ABCC4: variants seen among roughly 807,000 people sequenced by gnomAD.
ABCC4 encodes ATP-binding cassette sub-family C member 4.
Under a neutral mutation model 168.5 loss-of-function variants are expected in ABCC4, and 102 were observed. That is an observed-to-expected ratio of 0.61 (90% CI 0.52 to 0.71). ABCC4 has a LOEUF of 0.71. Among genes scored for constraint, ABCC4 ranks in the 30% least tolerant of loss-of-function variants. ABCC4 has a pLI of 0.00. For synonymous variants in ABCC4, 617 were observed against 590.7 expected (o/e 1.04, Z -0.65); for missense variants, 1,402 against 1,605.8 (o/e 0.87, Z 2.17).
At chr13:95,192,057 T>A (rs2038270953) in intron 9 of ABCC4, among the ~76,000 whole-genome samples, 1 of 152,114 alleles carries the variant, frequency 6.6e-6, no homozygotes, top group South Asian at 2.1e-4. Flanking sequence ...GCCAGAGCAG[T>A]GAAGAAAGCA....
At chr13:95,214,614 G>A (rs960410261) in intron 4 of ABCC4, among the ~76,000 whole-genome samples, 5 of 152,046 alleles carry the variant, frequency 3.3e-5, no homozygotes, top group South Asian at 4.2e-4. Context: ...GGCCAGGTGC[G>A]GTGGCTCATG....
At chr13:95,102,249 A>T (rs2034835795) in intron 20 of ABCC4, among the ~76,000 whole-genome samples, 1 of 152,210 alleles carries the variant, frequency 6.6e-6, no homozygotes, top group Non-Finnish European at 1.5e-5. Context: ...GGCTCAAGTG[A>T]TCTTCCGGAC....
At chr13:95,032,670 CTTT>C (rs10529298) in intron 30 of ABCC4, among the ~76,000 whole-genome samples, 1 of 148,464 alleles carries the variant, frequency 6.7e-6, no homozygotes. Flanking sequence ...TTTCTTTTTT[CTTT>C]TTTTTTTTTG....
At chr13:95,041,285 G>A (rs990839641) in intron 29 of ABCC4, among the ~76,000 whole-genome samples, 25 of 152,294 alleles carry the variant, frequency 1.6e-4, no homozygotes, top group African/African-American at 4.1e-4. Context: ...CATTGATGGC[G>A]CTTAATGAAC....
chr13:95,298,856 G>C (rs2041603201), intron 1 of ABCC4, among the ~76,000 whole-genome samples: 1 of 152,064 alleles, frequency 6.6e-6, no homozygotes, highest in Non-Finnish European at 1.5e-5. Flanking sequence ...AGGTCTACTA[G>C]CTCCTTCCCT....
At chr13:95,146,752 G>A (rs61965887) in intron 19 of ABCC4, among the ~76,000 whole-genome samples, 6,897 of 152,264 alleles carry the variant, frequency 0.045, 208 homozygotes, top group Non-Finnish European at 0.065. Flanking sequence ...CAAGACAACG[G>A]AAGTGACAGA....
intron 17 of ABCC4, 73 bp from the exon 18 acceptor site, chr13:95,163,289 A>T: frequency 9.3e-7 from 1 of 1,077,620 alleles, no homozygotes; most frequent in African/African-American, 1.6e-5. Flanking sequence ...TTAAAAATGA[A>T]CCACAATTTG....
At chr13:95,142,248 C>T (rs1381832079) in intron 19 of ABCC4, among the ~76,000 whole-genome samples, 1 of 152,118 alleles carries the variant, frequency 6.6e-6, no homozygotes, top group African/African-American at 2.4e-5. Context: ...ACTACTCAGC[C>T]ATAAAAAAGA....
chr13:95,154,098 T>C (rs1428939497), intron 19 of ABCC4, among the ~76,000 whole-genome samples: 3 of 152,240 alleles, frequency 2.0e-5, no homozygotes, highest in South Asian at 4.1e-4. Flanking sequence ...TATGTGGCTA[T>C]TGAGAATCAT....
At chr13:95,053,396 C>T (rs972659471) in intron 26 of ABCC4, among the ~76,000 whole-genome samples, 1 of 152,176 alleles carries the variant, frequency 6.6e-6, no homozygotes, top group Admixed American at 6.5e-5. Flanking sequence ...TGAACACTAA[C>T]AAAACTGTTG....
At chr13:95,081,387 G>A (rs1355918819) in intron 21 of ABCC4, among the ~76,000 whole-genome samples, 1 of 152,094 alleles carries the variant, frequency 6.6e-6, no homozygotes, top group Non-Finnish European at 1.5e-5. Context: ...CAAGACTCTC[G>A]AATAACTTCA....
Position 95,083,184 on chromosome 13 carries a change from T to C in ABCC4, c.2642A>G (p.Tyr881Cys). ...LGIIFIFLRR[Y>C]FLETSRDVKR... is the part of the protein sequence containing the mutation. Reference sequence around the variant, plus strand: ...CACATCTCTTGACGTTTCCAAAAAATATCGCCGAAGAAAAATGAAAATGAT... The same window carrying C: ...CACATCTCTTGACGTTTCCAAAAAACATCGCCGAAGAAAAATGAAAATGAT... Residue 881 changes from tyrosine to cysteine, a missense_variant, in exon 21 of 31, where the codon TAT becomes TGT. Physicochemically the swap from Tyr to Cys is radical, Grantham distance 194. This residue lies in a region of ABCC4 where 1,007 missense variants were observed against 1,127.3 expected (regional missense o/e 0.89). Coordinates refer to ENST00000645237, the MANE Select transcript of ABCC4 (RefSeq NM_005845.5). The C allele has an allele frequency of 6.2e-7, 1 of 1,613,932 alleles. No homozygotes were observed. The highest frequency in any genetic ancestry group is 8.5e-7 in the Non-Finnish European group (1 of 1,179,944).
At position 95,189,124 on chromosome 13, in the gene ABCC4, C is replaced by CTTT. The variant is rs61449462; in HGVS notation, c.1264-585_1264-583dup. Among the ~76,000 whole-genome samples the CTTT allele has an allele frequency of 4.3e-4, 29 of 67,298 alleles. 1 individual carries two copies. The highest frequency in any genetic ancestry group is 5.4e-4 in the Non-Finnish European group (21 of 38,820). The allele number at this position is 67,298 out of a possible 152,430, so 44.2% of individuals were successfully genotyped here. On this transcript the variant is annotated intron_variant, in intron 9 of 30. Transcript: ENST00000645237. ...ATGTGTTCTCATTTAAAACAATATTCTTTTTTTTTTTTTTTTTTTTTTTTT... is the reference window on the plus strand; with the variant it reads ...ATGTGTTCTCATTTAAAACAATATTCTTTTTTTTTTTTTTTTTTTTTTTTTTTT...
chr13:95,259,649 C>T (rs1041191262), intron 1 of ABCC4, among the ~76,000 whole-genome samples: 1 of 152,172 alleles, frequency 6.6e-6, no homozygotes, highest in African/African-American at 2.4e-5. Context: ...TTTTTACAGC[C>T]TTTCTGGACA....
chr13:95,175,544 G>C (rs1384590564), intron 13 of ABCC4, among the ~76,000 whole-genome samples: 1 of 152,140 alleles, frequency 6.6e-6, no homozygotes, highest in Non-Finnish European at 1.5e-5. Context: ...AACTCCTCAG[G>C]TGATCTGCCT....
chr13:95,113,790 C>G, intron 20 of ABCC4, among the ~76,000 whole-genome samples: 1 of 152,122 alleles, frequency 6.6e-6, no homozygotes, highest in South Asian at 2.1e-4. Context: ...TAAGATGAAC[C>G]AGTTACTGCA....
At position 95,259,005 on chromosome 13, in the gene ABCC4, CAG is replaced by C. The variant is rs1484974057; in HGVS notation, c.75-11254_75-11253del. ...AGGGTGGAGAAGGAGGTAGGCTGCT[CAG>C]AGTCAGGGACTCTGGAGAGCAGGAG... On this transcript the variant is annotated intron_variant, in intron 1 of 30. Coordinates refer to ENST00000645237, the MANE Select transcript of ABCC4 (RefSeq NM_005845.5). Among the ~76,000 whole-genome samples, 13 of 152,230 alleles carry C rather than the reference CAG, an allele frequency of 8.5e-5. No homozygotes were observed. The South Asian group carries it at 1.5e-3, about 17-fold the overall frequency.
At chr13:95,190,738 G>A (rs2038226268) in intron 9 of ABCC4, among the ~76,000 whole-genome samples, 1 of 152,166 alleles carries the variant, frequency 6.6e-6, no homozygotes, top group Non-Finnish European at 1.5e-5. Context: ...CTACAATTTG[G>A]GAGGAATCCT....
At chr13:95,201,015 C>A (rs1443442114) in intron 8 of ABCC4, among the ~76,000 whole-genome samples, 1 of 152,190 alleles carries the variant, frequency 6.6e-6, no homozygotes, top group Non-Finnish European at 1.5e-5. Flanking sequence ...TCATGCCTGG[C>A]CATTTGTTTC....
Sources: gnomAD v4.1 joint callset for allele counts (sites outside exome capture counted in the v4.1 genomes callset) on GRCh38, gnomAD v4.1.1 for gene constraint, gnomAD v4.1.1 regional missense constraint, MANE v1.5 for transcripts, NCBI Gene and HGNC (gene_info 2026-07-23, HGNC 2026-07-21) for gene names.